Variants in TRIO observed in about 807,000 individuals in gnomAD.
TRIO encodes the protein triple functional domain protein.
A neutral mutation model predicts 351.9 loss-of-function variants in TRIO; 58 were observed. The ratio of observed to expected loss-of-function variants is 0.16; its 90% confidence interval spans 0.13 to 0.21. The LOEUF is 0.21. TRIO is among the 10% of genes least tolerant of loss of function. The pLI, the probability that TRIO is intolerant of heterozygous loss-of-function variation, is 1.00. For missense variants in TRIO, 3,201 were observed against 4,027.8 expected (o/e 0.79, Z 5.56); for synonymous variants, 1,758 against 1,595.7 (o/e 1.10, Z -2.42).
chr5:14,504,643 A>G, intron 55 of TRIO, 50 bp downstream of exon 55: 9 of 1,591,248 alleles, frequency 5.7e-6, no homozygotes, highest in Non-Finnish European at 7.7e-6. Context: ...CCTCCACCTC[A>G]GGGGGTTTTG....
intron 53 of TRIO, among the ~76,000 whole-genome samples, chr5:14,500,611 G>A (rs543895978): frequency 6.6e-6 from 1 of 152,290 alleles, no homozygotes; most frequent in Non-Finnish European, 1.5e-5. Flanking sequence ...AGAAAAGGGG[G>A]CCAGGTGCAG....
chr5:14,306,353 T>C (rs1423653977), intron 8 of TRIO, among the ~76,000 whole-genome samples: 2 of 152,246 alleles, frequency 1.3e-5, no homozygotes, highest in Non-Finnish European at 2.9e-5. Flanking sequence ...GATAGCCTTT[T>C]CTATAGTAAA....
At chr5:14,363,025 G>T (rs1744289449) in intron 13 of TRIO, among the ~76,000 whole-genome samples, 4 of 133,974 alleles carry the variant, frequency 3.0e-5, no homozygotes, top group Admixed American at 8.2e-5. Flanking sequence ...TTTTGAGACA[G>T]GGTCTCACTC....
In TRIO at chr5:14,508,066, G is replaced by A. The variant is rs201842117; in HGVS notation, c.8938G>A (p.Val2980Met). 1.2e-6 allele frequency: 2 copies of A among 1,614,238 alleles called. No individual in the cohort carries two copies. Among genetic ancestry groups the A allele is most frequent in the African/African-American group, 1.3e-5 (1 of 75,080 alleles). The stretch of plus-strand genomic sequence containing the variant: ...GACCTCGGATACGTGGAGTGTTGGA[G>A]TGCTCACATACGTACTTCTTAGTGG... ...SLTSDTWSVG[V>M]LTYVLLSGVS... The change falls in exon 57 of 57, where the codon GTG becomes ATG. Residue 2980 changes from valine (V) to methionine (M), a missense_variant. Physicochemically the swap from Val to Met is conservative, Grantham distance 21. Around this residue, in one of 19 missense-constraint regions of TRIO, gnomAD observed 233 missense variants for 292.6 expected, o/e 0.80. Coordinates refer to ENST00000344204, the MANE Select transcript of TRIO (RefSeq NM_007118.4).
At chr5:14,223,237 T>C (rs2152211344) in intron 1 of TRIO, among the ~76,000 whole-genome samples, 1 of 151,730 alleles carries the variant, frequency 6.6e-6, no homozygotes, top group South Asian at 2.1e-4. Context: ...GGAAAAATAG[T>C]ATTTCCTGTT....
At chr5:14,209,971 C>T (rs955358020) in intron 1 of TRIO, among the ~76,000 whole-genome samples, 1 of 152,168 alleles carries the variant, frequency 6.6e-6, no homozygotes, top group Non-Finnish European at 1.5e-5. Flanking sequence ...GTGCTGAGCT[C>T]CCTGTGTGCG....
rs189329263 is a variant in TRIO, at chr5:14,264,805, C to T, written c.158-6020C>T. On this transcript the variant is annotated intron_variant, in intron 1 of 56. Transcript: ENST00000344204. ...GAAGTGGCCGGCCCGGAGAGGGTGACGTCACCTCCCTCTGCGCGTGCGCTT... is the reference window on the plus strand; with the variant it reads ...GAAGTGGCCGGCCCGGAGAGGGTGATGTCACCTCCCTCTGCGCGTGCGCTT... Among the ~76,000 whole-genome samples, 54 of 152,300 alleles carry T rather than the reference C, an allele frequency of 3.5e-4. No individual in the cohort carries two copies. The East Asian group carries it at 8.1e-3, about 23-fold the overall frequency.
chr5:14,463,063 G>T, intron 36 of TRIO, 138 bp downstream of exon 36: 1 of 1,159,766 alleles, frequency 8.6e-7, no homozygotes, highest in Non-Finnish European at 1.1e-6. Context: ...TGCTCTTTCA[G>T]GCAGCGTCAG....
At chr5:14,240,489 C>G (rs1449885689) in intron 1 of TRIO, among the ~76,000 whole-genome samples, 1 of 152,132 alleles carries the variant, frequency 6.6e-6, no homozygotes, top group Non-Finnish European at 1.5e-5. Flanking sequence ...GATTTTCATT[C>G]TTCTCCTCTT....
At chr5:14,213,435 C>T (rs1049184316) in intron 1 of TRIO, among the ~76,000 whole-genome samples, 5 of 151,860 alleles carry the variant, frequency 3.3e-5, no homozygotes, top group Non-Finnish European at 5.9e-5. Flanking sequence ...GAGCAGGCTA[C>T]TTTCACATGC....
At chr5:14,299,196 G>C (rs1195862665) in intron 7 of TRIO, among the ~76,000 whole-genome samples, 1 of 152,166 alleles carries the variant, frequency 6.6e-6, no homozygotes, top group Non-Finnish European at 1.5e-5. Context: ...CAGCAAAATT[G>C]AAAGAGCCTG....
chr5:14,389,066 C>G (rs1368336789), intron 24 of TRIO, among the ~76,000 whole-genome samples: 5 of 152,062 alleles, frequency 3.3e-5, no homozygotes, highest in Non-Finnish European at 5.9e-5. Flanking sequence ...AAATTTGAAG[C>G]TGGGAATAAT....
intron 36 of TRIO, among the ~76,000 whole-genome samples, chr5:14,465,237 C>T (rs556255368): frequency 6.6e-6 from 1 of 152,254 alleles, no homozygotes; most frequent in South Asian, 2.1e-4. Context: ...GCGAAAGTTA[C>T]GGTTAGAACG....
chr5:14,153,343 A>C (rs569289365), intron 1 of TRIO, among the ~76,000 whole-genome samples: 1 of 152,360 alleles, frequency 6.6e-6, no homozygotes, highest in East Asian at 1.9e-4. Flanking sequence ...ATTGTGCTCC[A>C]TAGGAAAGTA....
chr5:14,415,319 G>A (rs560015924), intron 33 of TRIO, among the ~76,000 whole-genome samples: 11 of 152,274 alleles, frequency 7.2e-5, no homozygotes, highest in Non-Finnish European at 1.3e-4. Context: ...ACACCAGTCC[G>A]AGAGAGCCCC....
intron 8 of TRIO, among the ~76,000 whole-genome samples, chr5:14,310,001 TTTAA>T (rs1430599932): frequency 6.6e-6 from 1 of 152,218 alleles, no homozygotes; most frequent in African/African-American, 2.4e-5. Flanking sequence ...TCTGCTGTGC[TTTAA>T]TTAGACCTGC....
At chr5:14,194,834 A>G (rs1790674226) in intron 1 of TRIO, among the ~76,000 whole-genome samples, 1 of 152,228 alleles carries the variant, frequency 6.6e-6, no homozygotes, top group African/African-American at 2.4e-5. Flanking sequence ...AAATTACACA[A>G]AGATTTCTAT....
intron 1 of TRIO, among the ~76,000 whole-genome samples, chr5:14,240,081 A>G (rs1442834111): frequency 1.3e-5 from 2 of 152,168 alleles, no homozygotes; most frequent in Non-Finnish European, 2.9e-5. Context: ...TTCCTTTGCA[A>G]CCTCAGTTTC....
intron 31 of TRIO, among the ~76,000 whole-genome samples, chr5:14,401,739 T>G (rs770011477): frequency 6.6e-6 from 1 of 152,208 alleles, no homozygotes; most frequent in Non-Finnish European, 1.5e-5. Flanking sequence ...TTATGTATTT[T>G]CCTCCTCTGT....
Sources: allele counts gnomAD v4.1 joint callset (sites outside exome capture counted in the v4.1 genomes callset), GRCh38; gene constraint gnomAD v4.1.1; regional missense constraint gnomAD v4.1.1; transcripts MANE v1.5; gene names NCBI Gene and HGNC (gene_info 2026-07-23, HGNC 2026-07-21).